Variants in CPA6 observed in about 807,000 individuals in gnomAD.
CPA6 encodes carboxypeptidase A6, also known as carboxypeptidase B.
CPA6 carries 58 observed loss-of-function variants against 63.3 expected under a neutral mutation model. The observed-to-expected ratio is 0.92, with a 90% confidence interval of 0.74 to 1.14. The LOEUF is 1.14. Among genes scored for constraint, CPA6 ranks in the 50% most tolerant of loss-of-function variants. The pLI is 0.00. For synonymous variants in CPA6, 185 were observed against 179.0 expected, an observed-to-expected ratio of 1.03 and a Z score of -0.27; for missense variants, 565 against 526.6, an observed-to-expected ratio of 1.07 and a Z score of -0.71.
chr8:67,647,653 T>G (rs1403753601), intron 1 of CPA6, among the ~76,000 whole-genome samples: 1 of 152,192 alleles, frequency 6.6e-6, no homozygotes, highest in African/African-American at 2.4e-5. Flanking sequence ...TTCTCTGAAG[T>G]TCCCTTATCT....
In CPA6 at chr8:67,636,372, G is replaced by A. The variant is rs561228682; in HGVS notation, c.117-12121C>T. Among the ~76,000 whole-genome samples the A allele has an allele frequency of 9.2e-5, 14 of 151,568 alleles. 2 individuals carry two copies. The highest frequency in any genetic ancestry group is 3.2e-4 in the African/African-American group (13 of 40,900). ...GTTGTATAATACATTTTAAAATTAT[G>A]TAGGGCAGTTTGAGTCAGGTTTTTT... On this transcript the variant is annotated intron_variant, in intron 1 of 10. Coordinates refer to ENST00000297770, the MANE Select transcript of CPA6 (RefSeq NM_020361.5).
chr8:67,632,445 C>T (rs944504762), intron 1 of CPA6, among the ~76,000 whole-genome samples: 3 of 151,982 alleles, frequency 2.0e-5, no homozygotes, highest in Admixed American at 2.0e-4. Context: ...GTAGCTGGGA[C>T]TACAGGTGTG....
At chr8:67,538,512 GTT>G (rs139665944) in intron 2 of CPA6, among the ~76,000 whole-genome samples, 213 of 90,776 alleles carry the variant, frequency 2.3e-3, no homozygotes, top group East Asian at 0.023. Flanking sequence ...TGCAACCCCT[GTT>G]TTTTTTTTTT....
chr8:67,536,712 G>A (rs1393388206), intron 2 of CPA6, among the ~76,000 whole-genome samples: 2 of 152,146 alleles, frequency 1.3e-5, no homozygotes, highest in Non-Finnish European at 2.9e-5. Context: ...TGGTTGCCCT[G>A]GCTAGAACTT....
At chr8:67,628,126 T>G (rs1815234435) in intron 1 of CPA6, among the ~76,000 whole-genome samples, 1 of 151,894 alleles carries the variant, frequency 6.6e-6, no homozygotes, top group African/African-American at 2.4e-5. Flanking sequence ...GGCAGGAGAA[T>G]GGCTTGAACC....
chr8:67,526,070 G>A (rs1157677257), intron 2 of CPA6, among the ~76,000 whole-genome samples: 1 of 152,178 alleles, frequency 6.6e-6, no homozygotes, highest in Non-Finnish European at 1.5e-5. Flanking sequence ...ACAAGTGGGA[G>A]CAACACAACA....
At chr8:67,632,683 T>C (rs905029379) in intron 1 of CPA6, among the ~76,000 whole-genome samples, 2 of 152,222 alleles carry the variant, frequency 1.3e-5, no homozygotes, top group Non-Finnish European at 2.9e-5. Context: ...TTAGTCGTTC[T>C]TTACTAGAGA....
intron 1 of CPA6, among the ~76,000 whole-genome samples, chr8:67,718,833 G>A (rs1480336253): frequency 6.6e-6 from 1 of 152,014 alleles, no homozygotes; most frequent in Non-Finnish European, 1.5e-5. Context: ...TTTTAGTAGA[G>A]ACGGGGTTTC....
chr8:67,503,093 T>A (rs944340560), intron 6 of CPA6, among the ~76,000 whole-genome samples: 1 of 151,272 alleles, frequency 6.6e-6, no homozygotes, highest in Non-Finnish European at 1.5e-5. Context: ...GGCTGGAGTG[T>A]AGTGGCATGA....
At chr8:67,438,720 A>T (rs1170295758) in intron 8 of CPA6, among the ~76,000 whole-genome samples, 1 of 152,174 alleles carries the variant, frequency 6.6e-6, no homozygotes, top group Non-Finnish European at 1.5e-5. Context: ...GGGGGGGCGA[A>T]GTATAATGAT....
intron 1 of CPA6, among the ~76,000 whole-genome samples, chr8:67,654,956 C>T (rs1005466541): frequency 5.9e-5 from 9 of 152,122 alleles, no homozygotes; most frequent in Non-Finnish European, 1.0e-4. Context: ...AATTTTTGTA[C>T]TCTTTATGTA....
At chr8:67,441,993 G>A (rs1810305228) in intron 8 of CPA6, among the ~76,000 whole-genome samples, 1 of 152,026 alleles carries the variant, frequency 6.6e-6, no homozygotes, top group Non-Finnish European at 1.5e-5. Context: ...TGTATGTTTG[G>A]TCATATATAA....
rs561549326 is a variant in CPA6 at position 67,525,875 on chromosome 8, A to G, written c.193-7828T>C. On this transcript the variant is annotated intron_variant, in intron 2 of 10. Coordinates refer to ENST00000297770, the MANE Select transcript of CPA6 (RefSeq NM_020361.5). Reference sequence around the variant, plus strand: ...ATAGGCATTGGAGACCCGCAAAAGCAGAGGGGTGGTGGGGTGAGGCATGAG... The same window carrying G: ...ATAGGCATTGGAGACCCGCAAAAGCGGAGGGGTGGTGGGGTGAGGCATGAG... Among the ~76,000 whole-genome samples, 163 of 152,342 alleles carry G rather than the reference A, an allele frequency of 1.1e-3. 1 individual carries two copies. The highest frequency in any genetic ancestry group is 3.8e-3 in the African/African-American group (156 of 41,588).
In CPA6 at chr8:67,607,228, CTTCTTCTTCTTCTTCTTCTTCTT is replaced by C. The variant is rs1156958918; in HGVS notation, c.192+16925_192+16947del. 8.3e-4 allele frequency among the ~76,000 whole-genome samples: 97 copies of C among 116,200 alleles called. 6 individuals are homozygous for C. Among genetic ancestry groups the C allele is most frequent in the South Asian group, 2.2e-3 (7 of 3,126 alleles). 76.2% of individuals were successfully genotyped at this position (116,200 alleles called of 152,430 possible). A position where few individuals can be genotyped will look rare whatever the true frequency, so the allele number is the denominator to read the frequency against. On this transcript the variant is annotated intron_variant, in intron 2 of 10. Transcript: ENST00000297770. ...TCTTCTTCTTCTTCTTCTTCTTCTT[CTTCTTCTTCTTCTTCTTCTTCTT>C]CTCCTCCTCCTCCTTTCTTCTTTCT...
rs568749432 is a variant in CPA6 at position 67,507,877 on chromosome 8, C to T, written c.535-989G>A. On this transcript the variant is annotated intron_variant, in intron 5 of 10. Transcript: ENST00000297770. ...TCTCAATCCTGGAAGAGAATCTGAG[C>T]GCACCATATTGGAGGAACTGTGCCT... Among the ~76,000 whole-genome samples the T allele has an allele frequency of 1.4e-4, 21 of 152,144 alleles. No homozygotes were observed. The East Asian group carries it at 2.3e-3, about 17-fold the overall frequency.
chr8:67,564,557 G>C (rs1018302730), intron 2 of CPA6, among the ~76,000 whole-genome samples: 3 of 152,036 alleles, frequency 2.0e-5, no homozygotes, highest in Non-Finnish European at 4.4e-5. Flanking sequence ...AAGGTCATAG[G>C]AAGAGCAGTA....
At chr8:67,711,635 C>T (rs546819154) in intron 1 of CPA6, among the ~76,000 whole-genome samples, 11 of 148,986 alleles carry the variant, frequency 7.4e-5, no homozygotes, top group South Asian at 4.3e-4. Context: ...TATATGTATG[C>T]GTGTGGTATG....
At chr8:67,611,906 C>G (rs1368106333) in intron 2 of CPA6, among the ~76,000 whole-genome samples, 1 of 152,244 alleles carries the variant, frequency 6.6e-6, no homozygotes, top group Non-Finnish European at 1.5e-5. Flanking sequence ...GATGCTCCAT[C>G]AAGTTCTTAT....
In CPA6 at chr8:67,567,603, AC is replaced by A. The variant is rs1250195985; in HGVS notation, c.193-49557del. On this transcript the variant is annotated intron_variant, in intron 2 of 10. Coordinates refer to ENST00000297770, the MANE Select transcript of CPA6 (RefSeq NM_020361.5). ...CAACTAGAACTATTCATAGACAAAA[AC>A]AAACACCTTGGTGAAAACCCCAAAA... is the stretch of plus-strand genomic sequence containing the variant. Among the ~76,000 whole-genome samples the A allele has an allele frequency of 3.3e-5, 5 of 152,344 alleles. No homozygotes were observed. In the East Asian group the frequency reaches 9.6e-4, roughly 29 times the overall value.
Sources: gnomAD v4.1 joint callset for allele counts (sites outside exome capture counted in the v4.1 genomes callset) on GRCh38, gnomAD v4.1.1 for gene constraint, MANE v1.5 for transcripts, NCBI Gene and HGNC (gene_info 2026-07-23, HGNC 2026-07-21) for gene names.